The following CEP170B variants were observed in gnomAD, a reference collection of about 807,000 sequenced individuals.
CEP170B encodes centrosomal protein of 170 kDa protein B.
A neutral mutation model predicts 120.6 loss-of-function variants in CEP170B; 55 were observed. The ratio of observed to expected loss-of-function variants is 0.46; its 90% CI spans 0.37 to 0.57. CEP170B has a LOEUF of 0.57. CEP170B is among the 20% of genes least tolerant of loss of function. CEP170B has a pLI of 0.00. For missense variants in CEP170B, 2,212 were observed against 2,253.3 expected (o/e 0.98, Z 0.37); for synonymous variants, 1,033 against 954.5 (o/e 1.08, Z -1.52).
At chr14:104,882,682 T>C (rs752958062) in intron 6 of CEP170B, 46 bp from the exon 7 acceptor site, 2 of 1,515,838 alleles carry the variant, frequency 1.3e-6, no homozygotes, top group South Asian at 1.2e-5. Flanking sequence ...CTTTTCACAC[T>C]GGGGGCCCCA....
intron 9 of CEP170B, among the ~76,000 whole-genome samples, chr14:104,885,157 C>T (rs1043811787): frequency 7.2e-5 from 11 of 152,064 alleles, no homozygotes; most frequent in Non-Finnish European, 1.5e-4. Context: ...GCCTGGTATG[C>T]TGCCCACAGC....
chr14:104,879,568 C>G lies in CEP170B; in HGVS notation c.334-719C>G, dbSNP rs200383387. 2.0e-5 allele frequency among the ~76,000 whole-genome samples: 3 copies of G among 152,166 alleles called. No individual in the cohort carries two copies. The East Asian group carries it at 5.8e-4, about 29-fold the overall frequency. On this transcript the variant is annotated intron_variant, in intron 5 of 18. Transcript: ENST00000414716. ...CTCTCCGATCTCCTCCCGCACTGCC[C>G]GCCCTGGCCGGGTGCCCTCTCGGAG...
intron 3 of CEP170B, 72 bp from the exon 4 acceptor site, chr14:104,877,813 A>AC: frequency 5.5e-6 from 2 of 361,934 alleles, no homozygotes; most frequent in Non-Finnish European, 8.1e-6. Flanking sequence ...CAGCCCCACC[A>AC]CCCTGCGGCC....
rs1041987334 is a variant in CEP170B at position 104,870,910 on chromosome 14, C to A, written c.105+2355C>A. ...GGAAGGCTGTCTGCCTCCCGGTGCC[C>A]CTGCAGCGGCCTCCTACCTGCCCAC... is the stretch of plus-strand genomic sequence containing the variant. On this transcript the variant is annotated intron_variant, in intron 2 of 18. Transcript: ENST00000414716. The surrounding 1 kb of genome is among the most constrained non-coding windows in gnomAD (Gnocchi z 4.1). 1.3e-5 allele frequency among the ~76,000 whole-genome samples: 2 copies of A among 151,992 alleles called. No homozygotes were observed. Among genetic ancestry groups the A allele is most frequent in the African/African-American group, 4.8e-5 (2 of 41,356 alleles).
rs1050910178 is a variant in CEP170B at position 104,872,144 on chromosome 14, CCGTGTGTGTG to C, written c.105+3598_105+3607del. 3.5e-5 allele frequency among the ~76,000 whole-genome samples: 5 copies of C among 144,474 alleles called. No homozygotes were observed. In the East Asian group the frequency reaches 6.3e-4, roughly 18 times the overall value. The allele number at this position is 144,474 out of a possible 152,430, so 94.8% of individuals were successfully genotyped here. A position where few individuals can be genotyped will look rare whatever the true frequency, so the allele number is the denominator to read the frequency against. On this transcript the variant is annotated intron_variant, in intron 2 of 18. Transcript: ENST00000414716. The stretch of plus-strand genomic sequence containing the variant: ...TGCGTCGTGTGTGTGCGTGTGTGTG[CCGTGTGTGTG>C]CGTGTGTGCCGCGTGTGTGTGCGTG...
chr14:104,875,385 C>G (rs1022583639), intron 2 of CEP170B, among the ~76,000 whole-genome samples: 2 of 152,060 alleles, frequency 1.3e-5, no homozygotes, highest in Non-Finnish European at 2.9e-5. Context: ...TTCCCTGGGT[C>G]GGCTGGTTCT....
intron 5 of CEP170B, among the ~76,000 whole-genome samples, chr14:104,879,009 C>A (rs1595331042): frequency 6.6e-6 from 1 of 152,190 alleles, no homozygotes; most frequent in East Asian, 1.9e-4. Flanking sequence ...GCAGAGGGCC[C>A]CGTTCAGAGG....
Position 104,887,288 on chromosome 14 carries a change from C to T in CEP170B, c.3049C>T (p.Pro1017Ser), listed in dbSNP as rs751105001. 2.5e-6 allele frequency: 4 copies of T among 1,609,434 alleles called. No homozygotes were observed. The highest frequency in any genetic ancestry group is 3.4e-6 in the Non-Finnish European group (4 of 1,179,090). ...AGAGAGGCAGCATCACCCACTTGGC[C>T]CGACGGACATGGGCCGTGGAGAGCC... is the stretch of plus-strand genomic sequence containing the variant. The part of the protein sequence containing the change: ...SSERQHHPLG[P>S]TDMGRGEPVR... The change falls in exon 12 of 19, where the codon CCG becomes TCG. Residue 1017 changes from proline (P) to serine (S), a missense_variant. Coordinates refer to ENST00000414716, the MANE Select transcript of CEP170B (RefSeq NM_001112726.3).
upstream of CEP170B, among the ~76,000 whole-genome samples, chr14:104,864,699 G>A (rs923506474): frequency 5.7e-4 from 86 of 152,172 alleles, 2 homozygotes; most frequent in Non-Finnish European, 1.0e-4. The surrounding 1 kb of genome is among the most constrained non-coding windows in gnomAD (Gnocchi z 5.9). Context: ...GGGGTCAGAG[G>A]TGGAGATGTC....
rs1013140954 is a variant in CEP170B, at chr14:104,865,717, C to G, written c.-28+204C>G. On this transcript the variant is annotated intron_variant, in intron 1 of 18. Coordinates refer to ENST00000414716, the MANE Select transcript of CEP170B (RefSeq NM_001112726.3). The surrounding 1 kb of genome is among the most constrained non-coding windows in gnomAD (Gnocchi z 6.7). ...TCTGCGCCAGGCCGGGAGGAGCCGC[C>G]CCGTTTCTACGCGGCCTGCGGAGGG... Among the ~76,000 whole-genome samples the G allele has an allele frequency of 6.6e-6, 1 of 151,906 alleles. No individual in the cohort carries two copies. The highest frequency in any genetic ancestry group is 2.4e-5 in the African/African-American group (1 of 41,402).
rs113997528 is a variant in CEP170B, at chr14:104,891,453, C to T, written c.3879-1523C>T. ...AGCAGGCGGCCCTTAGAGAGTGGCC[C>T]ACACTGGGGTGGAGGCGCAGGCACC... On this transcript the variant is annotated intron_variant, in intron 13 of 18. Coordinates refer to ENST00000414716, the MANE Select transcript of CEP170B (RefSeq NM_001112726.3). The surrounding 1 kb of genome is among the most constrained non-coding windows in gnomAD (Gnocchi z 4.3). Among the ~76,000 whole-genome samples the T allele has an allele frequency of 1.1e-3, 174 of 152,126 alleles. No homozygotes were observed. Among genetic ancestry groups the T allele is most frequent in the African/African-American group, 3.7e-3 (155 of 41,482 alleles).
chr14:104,887,285 G>A lies in CEP170B; in HGVS notation c.3046G>A (p.Gly1016Ser). Residue 1016 changes from glycine (G) to serine (S), a missense_variant, in exon 12 of 19, where the codon GGC becomes AGC. Coordinates refer to ENST00000414716, the MANE Select transcript of CEP170B (RefSeq NM_001112726.3). ...CTCAGAGAGGCAGCATCACCCACTT[G>A]GCCCGACGGACATGGGCCGTGGAGA... ...QSSERQHHPL[G>S]PTDMGRGEPV... is the part of the protein sequence containing the mutation. 6.2e-7 allele frequency: 1 copy of A among 1,609,308 alleles called. No individual in the cohort carries two copies. Among genetic ancestry groups the A allele is most frequent in the Non-Finnish European group, 8.5e-7 (1 of 1,179,122 alleles).
chr14:104,873,786 C>G (rs188960736), intron 2 of CEP170B, among the ~76,000 whole-genome samples: 1 of 152,140 alleles, frequency 6.6e-6, no homozygotes, highest in Non-Finnish European at 1.5e-5. Flanking sequence ...GCAGTAGCTC[C>G]TTCCTTCATG....
chr14:104,885,583 G>A (rs1476342062), intron 10 of CEP170B, 41 bp downstream of exon 10: 12 of 1,522,894 alleles, frequency 7.9e-6, no homozygotes, highest in Non-Finnish European at 1.0e-5. Flanking sequence ...GGCTGGGCAG[G>A]AAGAGGGCAG....
Position 104,887,508 on chromosome 14 carries a change from C to T in CEP170B, c.3269C>T (p.Ala1090Val). 1.2e-6 allele frequency: 2 copies of T among 1,611,790 alleles called. No homozygotes were observed. The highest frequency in any genetic ancestry group is 8.5e-7 in the Non-Finnish European group (1 of 1,179,616). ...RKPAAPPPSP[A>V]AREEQSRSSA... ...CCAGCGGCCCCACCGCCATCCCCAG[C>T]TGCCCGGGAGGAGCAGAGCCGTAGC... Residue 1090 changes from alanine (A) to valine (V), a missense_variant, in exon 12 of 19, where the codon GCT becomes GTT. By Grantham distance (64) the Ala-to-Val change is moderately conservative. This residue lies in a region of CEP170B where 2,166 missense variants were observed against 2,166.7 expected (regional missense o/e 1.00). Transcript: ENST00000414716.
At chr14:104,872,262 G>A (rs28494723) in intron 2 of CEP170B, among the ~76,000 whole-genome samples, 4,076 of 140,182 alleles carry the variant, frequency 0.029, 250 homozygotes, top group African/African-American at 0.11. Context: ...CCATGTGTGT[G>A]CGTGTGGGTG....
chr14:104,882,216 G>A (rs905831969), intron 6 of CEP170B, among the ~76,000 whole-genome samples: 3 of 150,662 alleles, frequency 2.0e-5, no homozygotes, highest in Non-Finnish European at 2.9e-5. Context: ...CTAAAATGCC[G>A]CAGGGACCAT....
At position 104,868,191 on chromosome 14, in the gene CEP170B, C is replaced by G. The variant is rs1310957244; in HGVS notation, c.-27-233C>G. On this transcript the variant is annotated intron_variant, in intron 1 of 18. Coordinates refer to ENST00000414716, the MANE Select transcript of CEP170B (RefSeq NM_001112726.3). The surrounding 1 kb of genome is among the most constrained non-coding windows in gnomAD (Gnocchi z 5.9). ...TGGAGGATAAGGGAGAACCAGGCAG[C>G]CTTTGCCAGGGATGGACGTGATGGG... Among the ~76,000 whole-genome samples the G allele has an allele frequency of 2.6e-5, 4 of 152,088 alleles. No individual in the cohort carries two copies. The highest frequency in any genetic ancestry group is 6.5e-5 in the Admixed American group (1 of 15,282).
intron 13 of CEP170B, among the ~76,000 whole-genome samples, chr14:104,892,739 C>T (rs1281748964): frequency 3.3e-5 from 5 of 152,254 alleles, no homozygotes; most frequent in Non-Finnish European, 7.3e-5. Context: ...TCCGTCCCAG[C>T]CCCCCACCAT....
Sources: allele counts gnomAD v4.1 joint callset (sites outside exome capture counted in the v4.1 genomes callset), GRCh38; gene constraint gnomAD v4.1.1; regional missense constraint gnomAD v4.1.1; non-coding constraint Gnocchi (gnomAD v3.1); transcripts MANE v1.5; gene names NCBI Gene and HGNC (gene_info 2026-07-23, HGNC 2026-07-21).